The following LPAR1 variants were observed in gnomAD, a reference collection of about 807,000 sequenced individuals.
The protein encoded by LPAR1 is LPA receptor 1.
Under a neutral mutation model 23.8 loss-of-function variants are expected in LPAR1, and 5 were observed. The ratio of observed to expected loss-of-function variants is 0.21; its 90% CI spans 0.11 to 0.44. The LOEUF is 0.44. Ranked by LOEUF, LPAR1 falls within the 20% of genes least tolerant of loss-of-function variation. The pLI is 0.99. For missense variants in LPAR1, 311 were observed against 482.8 expected (o/e 0.64, Z 3.33); for synonymous variants, 160 against 164.7 (o/e 0.97, Z 0.22).
At chr9:110,892,676 AGAGGGGGAAGGGAGGG>A (rs1397909673) in intron 5 of LPAR1, among the ~76,000 whole-genome samples, 1 of 130,078 alleles carries the variant, frequency 7.7e-6, no homozygotes, top group Non-Finnish European at 1.6e-5. Context: ...AAAGAGAGAG[AGAGGGGGAAGGGAGGG>A]GAGGGGAAGG....
At chr9:110,988,321 A>T (rs2096830902) in intron 2 of LPAR1, among the ~76,000 whole-genome samples, 1 of 152,034 alleles carries the variant, frequency 6.6e-6, no homozygotes, top group African/African-American at 2.4e-5. Flanking sequence ...TATTAATAGT[A>T]ATAACATGGA....
chr9:110,887,770 C>A (rs901781198), intron 5 of LPAR1, among the ~76,000 whole-genome samples: 1 of 152,062 alleles, frequency 6.6e-6, no homozygotes, highest in African/African-American at 2.4e-5. Flanking sequence ...CTAAATATTG[C>A]AAAGCAAATT....
intron 2 of LPAR1, among the ~76,000 whole-genome samples, chr9:111,009,374 A>T (rs1202396015): frequency 2.7e-5 from 4 of 149,124 alleles, no homozygotes; most frequent in African/African-American, 4.9e-5. Context: ...AATGAGATTT[A>T]AAAAAAAAAA....
At chr9:111,005,546 CAAAAA>C (rs60143050) in intron 2 of LPAR1, among the ~76,000 whole-genome samples, 753 of 70,330 alleles carry the variant, frequency 0.011, 9 homozygotes, top group African/African-American at 0.046. Flanking sequence ...GACCCTGTCT[CAAAAA>C]AAAAAAAAAA....
chr9:110,877,973 T>G (rs2079567660), intron 5 of LPAR1, among the ~76,000 whole-genome samples: 1 of 152,142 alleles, frequency 6.6e-6, no homozygotes. Context: ...AAAGAGCCCA[T>G]AAGCCTTACT....
chr9:111,003,443 A>G (rs1053883294), intron 2 of LPAR1, among the ~76,000 whole-genome samples: 1 of 152,182 alleles, frequency 6.6e-6, no homozygotes, highest in African/African-American at 2.4e-5. Context: ...TCTAGGGACA[A>G]TGAATGTAAT....
At chr9:110,984,328 CAA>C (rs1202794776) in intron 2 of LPAR1, among the ~76,000 whole-genome samples, 1 of 151,916 alleles carries the variant, frequency 6.6e-6, no homozygotes, top group Non-Finnish European at 1.5e-5. Flanking sequence ...TAAGAACATG[CAA>C]AGTTTATCTG....
chr9:111,032,343 G>A (rs1367720302), intron 2 of LPAR1, among the ~76,000 whole-genome samples: 1 of 152,056 alleles, frequency 6.6e-6, no homozygotes, highest in Non-Finnish European at 1.5e-5. Context: ...CCTCACCGCT[G>A]AGGGTCAAGT....
At chr9:110,882,457 G>C (rs2081152268) in intron 5 of LPAR1, among the ~76,000 whole-genome samples, 1 of 152,214 alleles carries the variant, frequency 6.6e-6, no homozygotes, top group Admixed American at 6.5e-5. Flanking sequence ...TCTACCGTGT[G>C]TAAGGTCTTT....
intron 2 of LPAR1, among the ~76,000 whole-genome samples, chr9:111,015,316 C>A (rs1802231330): frequency 6.6e-6 from 1 of 152,138 alleles, no homozygotes; most frequent in Non-Finnish European, 1.5e-5. Flanking sequence ...ACTATCACTC[C>A]TCCCCCTCCC....
In LPAR1 at chr9:110,981,919, A is replaced by T. The variant is rs1204801136; in HGVS notation, c.-181-8361T>A. 3.3e-5 allele frequency among the ~76,000 whole-genome samples: 5 copies of T among 152,280 alleles called. No homozygotes were observed. In the East Asian group the frequency reaches 9.7e-4, roughly 29 times the overall value. ...TACAGAAATGCAAATCAAAACCACA[A>T]TGAGATACCATCTCACATCATTTAG... On this transcript the variant is annotated intron_variant, in intron 2 of 5. Transcript: ENST00000683809.
chr9:110,908,214 A>C (rs1353030503), intron 5 of LPAR1, among the ~76,000 whole-genome samples: 1 of 151,226 alleles, frequency 6.6e-6, no homozygotes, highest in Non-Finnish European at 1.5e-5. Flanking sequence ...GTTTATAAAT[A>C]GTAAGCAATT....
At chr9:110,944,327 G>A (rs1486962283) in intron 4 of LPAR1, among the ~76,000 whole-genome samples, 2 of 152,110 alleles carry the variant, frequency 1.3e-5, no homozygotes, top group African/African-American at 4.8e-5. Flanking sequence ...ATTCATTGTT[G>A]TATAGTATCC....
intron 4 of LPAR1, among the ~76,000 whole-genome samples, chr9:110,945,855 A>G (rs75507026): frequency 2.0e-4 from 30 of 152,244 alleles, no homozygotes; most frequent in Non-Finnish European, 3.1e-4. Context: ...CTGACACTCA[A>G]TCTTCTTTCT....
At chr9:111,023,221 CTAAG>C (rs1246780277) in intron 2 of LPAR1, among the ~76,000 whole-genome samples, 1 of 152,180 alleles carries the variant, frequency 6.6e-6, no homozygotes, top group Admixed American at 6.5e-5. Context: ...GGAAGGCCTA[CTAAG>C]TATCACAAAA....
At chr9:110,955,082 A>G (rs1423495920) in intron 4 of LPAR1, among the ~76,000 whole-genome samples, 1 of 152,222 alleles carries the variant, frequency 6.6e-6, no homozygotes, top group Non-Finnish European at 1.5e-5. Context: ...AATCCCTCAC[A>G]TATCAATAAC....
chr9:110,918,040 CA>C (rs1211745218), intron 5 of LPAR1, among the ~76,000 whole-genome samples: 1 of 152,062 alleles, frequency 6.6e-6, no homozygotes, highest in Non-Finnish European at 1.5e-5. Context: ...GTAGCTGGGA[CA>C]AGAGGCATGC....
At chr9:111,026,177 T>C (rs181477060) in intron 2 of LPAR1, among the ~76,000 whole-genome samples, 1 of 152,322 alleles carries the variant, frequency 6.6e-6, no homozygotes, top group East Asian at 1.9e-4. Context: ...TATTTTTCCA[T>C]TCATTTGTGT....
intron 2 of LPAR1, among the ~76,000 whole-genome samples, chr9:110,988,389 CATA>C (rs2096832368): frequency 1.3e-5 from 2 of 151,874 alleles, no homozygotes; most frequent in African/African-American, 2.4e-5. Context: ...GAAAACAACT[CATA>C]GAAAGAAAAA....
Sources: allele counts gnomAD v4.1 joint callset (sites outside exome capture counted in the v4.1 genomes callset), GRCh38; gene constraint gnomAD v4.1.1; transcripts MANE v1.5; gene names NCBI Gene and HGNC (gene_info 2026-07-23, HGNC 2026-07-21).